MAD2L1BP: variants seen among roughly 807,000 people sequenced by gnomAD.
MAD2L1BP encodes MAD2L1 binding protein.
A neutral mutation model predicts 28.4 loss-of-function variants in MAD2L1BP; 22 were observed. That is an observed-to-expected ratio of 0.77 (90% CI 0.55 to 1.10). MAD2L1BP has a LOEUF of 1.10. MAD2L1BP is among the 50% of genes least tolerant of loss of function. The pLI, the probability that MAD2L1BP is intolerant of heterozygous loss-of-function variation, is 0.00. For missense variants in MAD2L1BP, 325 were observed against 350.5 expected (o/e 0.93, Z 0.58); for synonymous variants, 146 against 133.7 (o/e 1.09, Z -0.63).
At chr6:43,639,882 A>C in intron 2 of MAD2L1BP, 139 bp from the exon 3 acceptor site, 1 of 559,246 alleles carries the variant, frequency 1.8e-6, no homozygotes, top group East Asian at 3.1e-5. Context: ...GATAAAACAC[A>C]GTGTTTTGGC....
intron 2 of MAD2L1BP, 68 bp from the exon 3 acceptor site, chr6:43,639,953 G>A: frequency 4.9e-6 from 7 of 1,425,012 alleles, no homozygotes; most frequent in Non-Finnish European, 6.6e-6. Context: ...TCCCAGCAGG[G>A]TTCTTTTCAA....
chr6:43,639,050 T>C (rs1318178038), intron 2 of MAD2L1BP, among the ~76,000 whole-genome samples: 1 of 152,200 alleles, frequency 6.6e-6, no homozygotes, highest in Admixed American at 6.5e-5. Flanking sequence ...CTTTCTGGGG[T>C]TCTGCTGTGT....
At chr6:43,629,870 C>T in intron 1 of MAD2L1BP, 1 of 1,394,802 alleles carries the variant, frequency 7.2e-7, no homozygotes, top group Non-Finnish European at 9.6e-7. Context: ...GTAGTCACTG[C>T]TTTATTACCA....
At chr6:43,629,859 A>C in intron 1 of MAD2L1BP, 1 of 1,435,440 alleles carries the variant, frequency 7.0e-7, no homozygotes, top group Non-Finnish European at 9.4e-7. Context: ...ACCTTTACAT[A>C]GTAGTCACTG....
chr6:43,640,524 C>G lies in MAD2L1BP; in HGVS notation c.816C>G (p.Phe272Leu), dbSNP rs764056869. 6.3e-7 allele frequency: 1 copy of G among 1,580,558 alleles called. No individual in the cohort carries two copies. The highest frequency in any genetic ancestry group is 1.4e-5 in the African/African-American group (1 of 73,868). ...AGGCACCAGTGACATTTAAAGGCTT[C>G]CGCGAGTGAATGAGTGCTTCTTAAT... ...WFQAPVTFKG[F>L]RE is the part of the protein sequence containing the mutation. Residue 272 changes from phenylalanine (F) to leucine (L), a missense_variant, in exon 3 of 3, where the codon TTC becomes TTG. Coordinates refer to ENST00000372171, the MANE Select transcript of MAD2L1BP (RefSeq NM_014628.3).
In MAD2L1BP at chr6:43,640,257, A is replaced by G. The variant is rs1770491172; in HGVS notation, c.549A>G (p.Thr183=). 14 of 1,613,738 alleles carry G rather than the reference A, an allele frequency of 8.7e-6. No individual in the cohort carries two copies. The East Asian group carries it at 2.9e-4, about 33-fold the overall frequency. The part of the protein sequence containing the change: ...APYSVDQSLS[T]AACLRRLFRA... The stretch of plus-strand genomic sequence containing the variant: ...ACAGCGTGGACCAGAGCCTGAGCAC[A>G]GCAGCTTGTTTGCGCCGTCTCTTCC... The change falls in exon 3 of 3, where the codon ACA becomes ACG. Residue 183 remains threonine (T), a synonymous_variant. Transcript: ENST00000372171.
chr6:43,640,651 C>A lies in MAD2L1BP; in HGVS notation c.*118C>A. On this transcript the variant is annotated 3_prime_UTR_variant, in exon 3 of 3. Coordinates refer to ENST00000372171, the MANE Select transcript of MAD2L1BP (RefSeq NM_014628.3). ...TCCTGGTGAGAGAGGAAGCAACTCTCCTTCTGGTTGTCTGCCTCCCCTCAG... is the reference window on the plus strand; with the variant it reads ...TCCTGGTGAGAGAGGAAGCAACTCTACTTCTGGTTGTCTGCCTCCCCTCAG... 1 of 1,095,850 alleles carries A rather than the reference C, an allele frequency of 9.1e-7. No homozygotes were observed. The allele number at this position is 1,095,850 out of a possible 1,614,324, so 67.9% of individuals were successfully genotyped here.
intron 1 of MAD2L1BP, chr6:43,629,913 C>T: frequency 9.4e-7 from 1 of 1,065,606 alleles, no homozygotes; most frequent in Non-Finnish European, 1.3e-6. Flanking sequence ...GTTTTAATAA[C>T]CGGAGGCACC....
At chr6:43,639,244 A>G (rs1008844795) in intron 2 of MAD2L1BP, among the ~76,000 whole-genome samples, 1 of 151,160 alleles carries the variant, frequency 6.6e-6, no homozygotes, top group Non-Finnish European at 1.5e-5. Flanking sequence ...GGTTCAGGCT[A>G]TTCTCCTGCC....
At chr6:43,638,818 C>T (rs1406302381) in intron 2 of MAD2L1BP, among the ~76,000 whole-genome samples, 1 of 151,548 alleles carries the variant, frequency 6.6e-6, no homozygotes, top group Non-Finnish European at 1.5e-5. Context: ...AAGAATAAAT[C>T]ATTGCAAGCT....
At chr6:43,631,461 C>T (rs1769923595), upstream of MAD2L1BP, among the ~76,000 whole-genome samples, 1 of 152,026 alleles carries the variant, frequency 6.6e-6, no homozygotes, top group South Asian at 2.1e-4. Flanking sequence ...AACATGTGTC[C>T]CTTCATATAC....
intron 1 of MAD2L1BP, 83 bp downstream of exon 1, chr6:43,636,004 G>A (rs1770195253): frequency 7.4e-7 from 1 of 1,359,952 alleles, no homozygotes; most frequent in Non-Finnish European, 1.0e-6. Flanking sequence ...TTTATCCGCT[G>A]GTCCTCTCCC....
At chr6:43,633,099 C>T (rs988232344), upstream of MAD2L1BP, 1 of 384,262 alleles carries the variant, frequency 2.6e-6, no homozygotes, top group Non-Finnish European at 5.0e-6. Flanking sequence ...TCTCCCACCT[C>T]GGCCTCCCAA....
rs748768400 is a variant in MAD2L1BP at position 43,640,545 on chromosome 6, T to C, written c.*12T>C. The stretch of plus-strand genomic sequence containing the variant: ...GCTTCCGCGAGTGAATGAGTGCTTC[T>C]TAATCCTAAAAACACAATGGCTGAA... On this transcript the variant is annotated 3_prime_UTR_variant, in exon 3 of 3. Transcript: ENST00000372171. 1.2e-5 allele frequency: 18 copies of C among 1,550,968 alleles called. No homozygotes were observed. In the South Asian group the frequency reaches 2.1e-4, roughly 18 times the overall value.
upstream of MAD2L1BP, chr6:43,635,823 T>G (rs61198573): frequency 6.3e-3 from 9,080 of 1,433,618 alleles, 533 homozygotes; most frequent in African/African-American, 0.12. Context: ...CTTCCCATGA[T>G]GCCCCGCGAG....
chr6:43,635,908 A>C lies in MAD2L1BP; in HGVS notation c.33A>C (p.Ser11=). The change falls in exon 1 of 3, where the codon TCA becomes TCC. Residue 11 remains serine, a synonymous_variant. Coordinates refer to ENST00000372171, the MANE Select transcript of MAD2L1BP (RefSeq NM_014628.3). ...CGCCGGAGGCGGAGGTTCTGTCCTC[A>C]GCCGCAGTCCCTGGTAAGGCGTGGG... MAAPEAEVLS[S]AAVPDLEWYE... The C allele has an allele frequency of 6.7e-7, 1 of 1,499,010 alleles. No individual in the cohort carries two copies. 92.9% of individuals were successfully genotyped at this position (1,499,010 alleles called of 1,614,324 possible).
upstream of MAD2L1BP, among the ~76,000 whole-genome samples, chr6:43,632,554 C>T (rs926816580): frequency 6.6e-6 from 1 of 151,980 alleles, no homozygotes; most frequent in Non-Finnish European, 1.5e-5. Flanking sequence ...CCACTATGCC[C>T]AGCCAGATCC....
chr6:43,635,077 G>A (rs1314259816), upstream of MAD2L1BP, among the ~76,000 whole-genome samples: 1 of 151,942 alleles, frequency 6.6e-6, no homozygotes, highest in African/African-American at 2.4e-5. Flanking sequence ...TCTCTATCCT[G>A]CAGCCAGGGT....
Position 43,640,405 on chromosome 6 carries a change from C to G in MAD2L1BP, c.697C>G (p.Arg233Gly). The stretch of plus-strand genomic sequence containing the variant: ...TTGGTTTCGACCCAAGCTCAACTAT[C>G]GAGTGCCCAGCCGGGGCCATAAACT... ...EDWFRPKLNY[R>G]VPSRGHKLTV... The change falls in exon 3 of 3, where the codon CGA (arginine) becomes GGA (glycine). Residue 233 changes from arginine (R) to glycine (G), a missense_variant. Coordinates refer to ENST00000372171, the MANE Select transcript of MAD2L1BP (RefSeq NM_014628.3). 1 of 1,613,986 alleles carries G rather than the reference C, an allele frequency of 6.2e-7. No individual in the cohort carries two copies. The highest frequency in any genetic ancestry group is 8.5e-7 in the Non-Finnish European group (1 of 1,180,014).
Sources: gnomAD v4.1 joint callset for allele counts (sites outside exome capture counted in the v4.1 genomes callset) on GRCh38, gnomAD v4.1.1 for gene constraint, MANE v1.5 for transcripts, NCBI Gene and HGNC (gene_info 2026-07-23, HGNC 2026-07-21) for gene names.